Variants in WDR7 observed in about 807,000 individuals in gnomAD.
The protein encoded by WDR7 is WD repeat-containing protein 7.
WDR7 carries 46 observed loss-of-function variants against 169.4 expected under a neutral mutation model. The observed-to-expected ratio is 0.27, with a 90% CI of 0.21 to 0.35. The LOEUF is 0.35. Among genes scored for constraint, WDR7 ranks in the 10% least tolerant of loss-of-function variants. The probability of loss-of-function intolerance (pLI) is 1.00; values close to 1 mark genes in which losing one functional copy is unlikely to be tolerated. For missense variants in WDR7, 1,534 were observed against 1,859.3 expected (o/e 0.83, Z 3.22); for synonymous variants, 612 against 666.8 (o/e 0.92, Z 1.27).
chr18:56,955,295 T>C (rs945857670), intron 25 of WDR7, among the ~76,000 whole-genome samples: 4 of 152,164 alleles, frequency 2.6e-5, no homozygotes, highest in Non-Finnish European at 4.4e-5. Flanking sequence ...TGTCTTTTAA[T>C]GCTAAAGTTC....
At chr18:56,794,560 C>T (rs1198774371) in intron 19 of WDR7, among the ~76,000 whole-genome samples, 5 of 151,838 alleles carry the variant, frequency 3.3e-5, no homozygotes, top group African/African-American at 4.8e-5. Context: ...CTGCCTGCCT[C>T]GGCCTCCCAA....
At chr18:56,742,716 G>A (rs942349819) in intron 14 of WDR7, among the ~76,000 whole-genome samples, 14 of 152,176 alleles carry the variant, frequency 9.2e-5, no homozygotes, top group Non-Finnish European at 1.9e-4. Flanking sequence ...AGGTGATTAG[G>A]ACTGGCTTCT....
intron 20 of WDR7, among the ~76,000 whole-genome samples, chr18:56,827,145 G>A (rs774198850): frequency 6.6e-6 from 1 of 152,194 alleles, no homozygotes; most frequent in African/African-American, 2.4e-5. Context: ...ATAATTAGCT[G>A]TGGAGGGAGT....
chr18:56,880,685 A>G (rs945278064), intron 21 of WDR7, among the ~76,000 whole-genome samples: 8 of 152,252 alleles, frequency 5.3e-5, no homozygotes, highest in Non-Finnish European at 1.2e-4. Flanking sequence ...TATGAAAAAG[A>G]GCATACATGA....
At chr18:56,711,397 A>G (rs2026083583) in intron 12 of WDR7, among the ~76,000 whole-genome samples, 3 of 152,252 alleles carry the variant, frequency 2.0e-5, no homozygotes, top group South Asian at 4.1e-4. Context: ...TCTCTAAGCT[A>G]TCACAATGTT....
intron 20 of WDR7, among the ~76,000 whole-genome samples, chr18:56,874,397 T>C (rs2045995158): frequency 6.6e-6 from 1 of 152,244 alleles, no homozygotes; most frequent in Middle Eastern, 3.4e-3. Flanking sequence ...TACTTTTTAC[T>C]GACATTTCCT....
intron 3 of WDR7, among the ~76,000 whole-genome samples, chr18:56,680,349 C>A (rs890953437): frequency 1.3e-5 from 2 of 152,096 alleles, no homozygotes; most frequent in Admixed American, 1.3e-4. Flanking sequence ...CACAGTGAGA[C>A]CCTGTCTCAA....
intron 26 of WDR7, among the ~76,000 whole-genome samples, chr18:57,017,412 C>CTGTGTGTGTGTG (rs10571337): frequency 1.9e-3 from 267 of 143,744 alleles, no homozygotes; most frequent in African/African-American, 6.6e-3. Context: ...CAGCATCATG[C>CTGTGTGTGTGTG]TGTGTGTGTG....
intron 1 of WDR7, among the ~76,000 whole-genome samples, chr18:56,661,734 C>T (rs2024908026): frequency 6.6e-6 from 1 of 152,138 alleles, no homozygotes. Context: ...TCTGGAAACA[C>T]TTTGTTATAA....
intron 11 of WDR7, among the ~76,000 whole-genome samples, chr18:56,695,811 C>A (rs147891255): frequency 6.6e-6 from 1 of 151,874 alleles, no homozygotes; most frequent in African/African-American, 2.4e-5. Context: ...CAGTGGAAAT[C>A]GAATGTCAAC....
intron 21 of WDR7, among the ~76,000 whole-genome samples, chr18:56,910,021 G>GACAC (rs147453101): frequency 6.6e-6 from 1 of 151,928 alleles, no homozygotes; most frequent in East Asian, 1.9e-4. Flanking sequence ...TTAACATCCA[G>GACAC]ACACACACAC....
chr18:56,682,536 C>A, intron 4 of WDR7, 143 bp from the exon 5 acceptor site: 1 of 846,440 alleles, frequency 1.2e-6, no homozygotes, highest in African/African-American at 1.7e-5. Context: ...TAATATGTAC[C>A]ATTTGGTAAA....
At chr18:56,956,133 A>G (rs2047247009) in intron 25 of WDR7, among the ~76,000 whole-genome samples, 1 of 152,168 alleles carries the variant, frequency 6.6e-6, no homozygotes, top group Non-Finnish European at 1.5e-5. Flanking sequence ...GTGACTCTCA[A>G]ATGGAATTCC....
At chr18:56,786,467 T>TGCA (rs2044401803) in intron 19 of WDR7, among the ~76,000 whole-genome samples, 1 of 151,016 alleles carries the variant, frequency 6.6e-6, no homozygotes, top group South Asian at 2.1e-4. Context: ...AGGCAGAAGT[T>TGCA]GCAGTGAGCC....
chr18:56,871,050 G>T (rs968149000), intron 20 of WDR7, among the ~76,000 whole-genome samples: 2 of 152,106 alleles, frequency 1.3e-5, no homozygotes, highest in African/African-American at 4.8e-5. Flanking sequence ...AATTTTAGAA[G>T]AATATTTTAC....
intron 21 of WDR7, among the ~76,000 whole-genome samples, chr18:56,896,203 C>T (rs943043055): frequency 1.3e-5 from 2 of 151,782 alleles, no homozygotes; most frequent in Admixed American, 6.6e-5. Flanking sequence ...GAGAGATATA[C>T]ATTTTTTGTG....
At chr18:56,964,242 A>G (rs1470652678) in intron 26 of WDR7, among the ~76,000 whole-genome samples, 2 of 151,116 alleles carry the variant, frequency 1.3e-5, no homozygotes, top group African/African-American at 2.4e-5. Flanking sequence ...ATTTTTGAAT[A>G]TCTTATCTTT....
intron 21 of WDR7, among the ~76,000 whole-genome samples, chr18:56,892,764 T>G (rs2046281352): frequency 6.6e-6 from 1 of 152,086 alleles, no homozygotes; most frequent in African/African-American, 2.4e-5. Context: ...TGACATTTAA[T>G]ATGCAAAAGG....
chr18:56,976,282 G>C (rs924460143), intron 26 of WDR7, among the ~76,000 whole-genome samples: 1 of 152,092 alleles, frequency 6.6e-6, no homozygotes, highest in African/African-American at 2.4e-5. Flanking sequence ...TAATGCAGAA[G>C]CAAAAGCTGT....
Sources: allele counts gnomAD v4.1 joint callset (sites outside exome capture counted in the v4.1 genomes callset), GRCh38; gene constraint gnomAD v4.1.1; transcripts MANE v1.5; gene names NCBI Gene and HGNC (gene_info 2026-07-23, HGNC 2026-07-21).